PCDHGB3: variants seen among roughly 807,000 people sequenced by gnomAD.
PCDHGB3 encodes the protein protocadherin gamma-B3.
PCDHGB3 carries 40 observed loss-of-function variants against 59.2 expected under a neutral mutation model. The observed-to-expected ratio is 0.68, with a 90% CI of 0.52 to 0.88. PCDHGB3 has a LOEUF of 0.88. Among genes scored for constraint, PCDHGB3 ranks in the 40% least tolerant of loss-of-function variants. The pLI is 0.00. For synonymous variants in PCDHGB3, 581 were observed against 503.6 expected (o/e 1.15, Z -2.06); for missense variants, 1,309 against 1,187.9 (o/e 1.10, Z -1.50).
intron 1 of PCDHGB3, chr5:141,414,573 A>G: frequency 6.2e-7 from 1 of 1,613,920 alleles, no homozygotes; most frequent in African/African-American, 1.3e-5. Context: ...CCTATATCCC[A>G]GAGAACAACG....
At chr5:141,501,516 C>A (rs763346187) in intron 2 of PCDHGB3, among the ~76,000 whole-genome samples, 1 of 152,010 alleles carries the variant, frequency 6.6e-6, no homozygotes, top group Non-Finnish European at 1.5e-5. Flanking sequence ...GGCCTCCAAG[C>A]TGAAGCCCAG....
At position 141,484,932 on chromosome 5, in the gene PCDHGB3, C is replaced by T. The variant is rs1594431677; in HGVS notation, c.2416-9875C>T. On this transcript the variant is annotated intron_variant, in intron 1 of 3. Coordinates refer to ENST00000576222, the MANE Select transcript of PCDHGB3 (RefSeq NM_018924.5). ...CGCATTAACCCTGCTGCTGTTGGGA[C>T]GTTCTCTGCTCAGCCTATTGGCTGA... 1.2e-5 allele frequency: 6 copies of T among 501,356 alleles called. No individual in the cohort carries two copies. The East Asian group carries it at 1.4e-4, about 12-fold the overall frequency. 31.1% of individuals were successfully genotyped at this position (501,356 alleles called of 1,614,324 possible).
chr5:141,375,038 G>A (rs1771073387), intron 1 of PCDHGB3: 1 of 1,614,038 alleles, frequency 6.2e-7, no homozygotes, highest in Non-Finnish European at 8.5e-7. Context: ...TGAGCTGGGT[G>A]TTGAAGCCCG....
At position 141,372,292 on chromosome 5, in the gene PCDHGB3, G is replaced by A. The variant is rs1768614066; in HGVS notation, c.1898G>A (p.Gly633Asp). The A allele has an allele frequency of 4.3e-6, 7 of 1,613,164 alleles. No homozygotes were observed. The African/African-American group carries it at 5.3e-5, about 12-fold the overall frequency. ...GAGGTGCGCACGGCGCGTACCTTGGGCGACAGGGAGGCCGCCCGCCAGCGC... is the reference window on the plus strand; with the variant it reads ...GAGGTGCGCACGGCGCGTACCTTGGACGACAGGGAGGCCGCCCGCCAGCGC... ...TGEVRTARTL[G>D]DREAARQRLL... The change falls in exon 1 of 4, where the codon GGC becomes GAC. Residue 633 changes from glycine to aspartate, a missense_variant. Gly to Asp is a moderately conservative substitution (Grantham distance 94). Transcript: ENST00000576222.
chr5:141,408,634 A>C, intron 1 of PCDHGB3: 2 of 1,614,040 alleles, frequency 1.2e-6, no homozygotes, highest in South Asian at 2.2e-5. Flanking sequence ...AAATTTTCGA[A>C]TCTGCATCCG....
rs1032814206 is a variant in PCDHGB3, at chr5:141,472,764, T to A, written c.2416-22043T>A. Among the ~76,000 whole-genome samples, 12 of 152,040 alleles carry A rather than the reference T, an allele frequency of 7.9e-5. No individual in the cohort carries two copies. The East Asian group carries it at 2.1e-3, about 27-fold the overall frequency. ...ACTTTGGGAGGCGGAGGCTGGCAGATCACCTGAGGTTGGGAGTTCAAGATC... is the reference window on the plus strand; with the variant it reads ...ACTTTGGGAGGCGGAGGCTGGCAGAACACCTGAGGTTGGGAGTTCAAGATC... On this transcript the variant is annotated intron_variant, in intron 1 of 3. Coordinates refer to ENST00000576222, the MANE Select transcript of PCDHGB3 (RefSeq NM_018924.5).
In PCDHGB3 at chr5:141,487,598, C is replaced by T. The variant is rs1450685717; in HGVS notation, c.2416-7209C>T. 6.2e-7 allele frequency: 1 copy of T among 1,614,210 alleles called. No homozygotes were observed. The highest frequency in any genetic ancestry group is 8.5e-7 in the Non-Finnish European group (1 of 1,180,046). ...TCGCCCAAGCTGCCCACCCTCTGAT[C>T]TTCTCTATGGGCTAGAGGTGAGACC... is the stretch of plus-strand genomic sequence containing the variant. On this transcript the variant is annotated intron_variant, in intron 1 of 3. Transcript: ENST00000576222. The surrounding 1 kb of genome is among the most constrained non-coding windows in gnomAD (Gnocchi z 5.0).
At chr5:141,384,790 G>T (rs999175494) in intron 1 of PCDHGB3, 2 of 1,613,416 alleles carry the variant, frequency 1.2e-6, no homozygotes, top group African/African-American at 2.7e-5. Flanking sequence ...CACGGCTCGG[G>T]CCCTGCTGGA....
Position 141,490,102 on chromosome 5 carries a change from G to A in PCDHGB3, c.2416-4705G>A, listed in dbSNP as rs377649214. On this transcript the variant is annotated intron_variant, in intron 1 of 3. Coordinates refer to ENST00000576222, the MANE Select transcript of PCDHGB3 (RefSeq NM_018924.5). The surrounding 1 kb of genome is among the most constrained non-coding windows in gnomAD (Gnocchi z 5.4). ...TTCTTTTGGAGACCACACATCTGAG[G>A]CAGTGCGGAACCTCTTTGGCCTAGA... 4.3e-6 allele frequency: 7 copies of A among 1,614,144 alleles called. No homozygotes were observed. The African/African-American group carries it at 9.3e-5, about 22-fold the overall frequency.
At position 141,375,636 on chromosome 5, in the gene PCDHGB3, G is replaced by C. The variant is rs1448632834; in HGVS notation, c.2415+2827G>C. On this transcript the variant is annotated intron_variant, in intron 1 of 3. Transcript: ENST00000576222. ...GACACTGGGATTCTGTACGCCCTGC[G>C]CTCCTTCGACTATGAGCAGTTGAGA... The C allele has an allele frequency of 6.2e-6, 10 of 1,614,064 alleles. No individual in the cohort carries two copies. Among genetic ancestry groups the C allele is most frequent in the Non-Finnish European group, 8.5e-6 (10 of 1,180,044 alleles).
intron 1 of PCDHGB3, chr5:141,389,441 C>T: frequency 6.2e-7 from 1 of 1,610,584 alleles, no homozygotes; most frequent in South Asian, 1.1e-5. Context: ...GCGCCTTCGA[C>T]CACGAGCAGC....
intron 1 of PCDHGB3, chr5:141,421,617 C>A (rs781622911): frequency 6.2e-7 from 1 of 1,613,768 alleles, no homozygotes; most frequent in South Asian, 1.1e-5. Flanking sequence ...TTAATGATAA[C>A]GCCCCCAGCT....
At position 141,491,127 on chromosome 5, in the gene PCDHGB3, C is replaced by T. The variant is rs2099708654; in HGVS notation, c.2416-3680C>T. On this transcript the variant is annotated intron_variant, in intron 1 of 3. Transcript: ENST00000576222. This position sits in a 1 kb window ranked among gnomAD's most constrained non-coding sequence, Gnocchi z 6.9. ...TGTCTACACACACTGGTGAGGTGCGCACAGCCCGGGCCTTACTGGAGGATG... is the reference window on the plus strand; with the variant it reads ...TGTCTACACACACTGGTGAGGTGCGTACAGCCCGGGCCTTACTGGAGGATG... 1 of 1,614,076 alleles carries T rather than the reference C, an allele frequency of 6.2e-7. No individual in the cohort carries two copies. The highest frequency in any genetic ancestry group is 1.3e-5 in the African/African-American group (1 of 74,942).
chr5:141,418,807 G>A (rs1400599346), intron 1 of PCDHGB3: 2 of 1,613,650 alleles, frequency 1.2e-6, no homozygotes, highest in African/African-American at 1.3e-5. Context: ...AAAGATATAC[G>A]ATAAACATAG....
chr5:141,485,106 T>A lies in PCDHGB3; in HGVS notation c.2416-9701T>A, dbSNP rs2099607051. 8.3e-7 allele frequency: 1 copy of A among 1,206,448 alleles called. No individual in the cohort carries two copies. Among genetic ancestry groups the A allele is most frequent in the Admixed American group, 1.8e-5 (1 of 55,050 alleles). 74.7% of individuals were successfully genotyped at this position (1,206,448 alleles called of 1,614,324 possible). On this transcript the variant is annotated intron_variant, in intron 1 of 3. Coordinates refer to ENST00000576222, the MANE Select transcript of PCDHGB3 (RefSeq NM_018924.5). The surrounding 1 kb of genome is among the most constrained non-coding windows in gnomAD (Gnocchi z 5.7). ...GGGAGATAGGTGTCTCCAGCTGCTG[T>A]GGCTGTTTGGGGCGGGTCGGCTTCA...
Position 141,489,361 on chromosome 5 carries a change from C to A in PCDHGB3, c.2416-5446C>A. ...TTACTCAGTGGTGGAGGAGTCTGAG[C>A]CGGGGACGCTGGTGGGGAATGTTGC... On this transcript the variant is annotated intron_variant, in intron 1 of 3. Transcript: ENST00000576222. This position sits in a 1 kb window ranked among gnomAD's most constrained non-coding sequence, Gnocchi z 4.5. 1 of 1,612,880 alleles carries A rather than the reference C, an allele frequency of 6.2e-7. No individual in the cohort carries two copies. The highest frequency in any genetic ancestry group is 8.5e-7 in the Non-Finnish European group (1 of 1,179,164).
At chr5:141,428,010 G>A in intron 1 of PCDHGB3, 1 of 1,603,006 alleles carries the variant, frequency 6.2e-7, no homozygotes, top group Non-Finnish European at 8.5e-7. Flanking sequence ...CTTCGATATA[G>A]TGCCACGCGC....
chr5:141,383,951 C>G lies in PCDHGB3; in HGVS notation c.2415+11142C>G, dbSNP rs1365918560. 5 of 1,613,676 alleles carry G rather than the reference C, an allele frequency of 3.1e-6. No homozygotes were observed. In the African/African-American group the frequency reaches 6.7e-5, roughly 22 times the overall value. On this transcript the variant is annotated intron_variant, in intron 1 of 3. Transcript: ENST00000576222. ...AATGCTCCAGAAGTGACTATGACGT[C>G]TTTAAGTAGCTCAATCCCTGAAGAC...
chr5:141,448,915 A>T (rs2098616551), intron 1 of PCDHGB3, among the ~76,000 whole-genome samples: 1 of 152,238 alleles, frequency 6.6e-6, no homozygotes. Context: ...ACTGCACTCC[A>T]GCCTGGGCGA....
Sources: allele counts gnomAD v4.1 joint callset (sites outside exome capture counted in the v4.1 genomes callset), GRCh38; gene constraint gnomAD v4.1.1; non-coding constraint Gnocchi (gnomAD v3.1); transcripts MANE v1.5; gene names NCBI Gene and HGNC (gene_info 2026-07-23, HGNC 2026-07-21).